The following PRKD1 variants were observed in gnomAD, a reference collection of about 807,000 sequenced individuals.
PRKD1 encodes serine/threonine-protein kinase D1.
PRKD1 carries 63 observed loss-of-function variants against 95.9 expected under a neutral mutation model. That is an observed-to-expected ratio of 0.66 (90% CI 0.54 to 0.81). PRKD1 has a LOEUF of 0.81. Among genes scored for constraint, PRKD1 ranks in the 30% least tolerant of loss-of-function variants. The pLI, the probability that PRKD1 is intolerant of heterozygous loss-of-function variation, is 0.00. For synonymous variants in PRKD1, 425 were observed against 423.1 expected (o/e 1.00, Z -0.05); for missense variants, 1,048 against 1,165.3 (o/e 0.90, Z 1.47).
chr14:29,795,782 C>A (rs1889787874), intron 1 of PRKD1, among the ~76,000 whole-genome samples: 1 of 152,184 alleles, frequency 6.6e-6, no homozygotes, highest in Admixed American at 6.5e-5. Flanking sequence ...TGGACATTTT[C>A]ATGCCCAAAA....
chr14:29,811,340 C>T (rs1890475627), intron 1 of PRKD1, among the ~76,000 whole-genome samples: 1 of 152,204 alleles, frequency 6.6e-6, no homozygotes, highest in African/African-American at 2.4e-5. Context: ...TGAGTTCTCT[C>T]TCCTTCCAGC....
chr14:29,658,015 G>A (rs1436788524), intron 4 of PRKD1: 2 of 152,162 alleles, frequency 1.3e-5, no homozygotes, highest in South Asian at 2.1e-4. Flanking sequence ...TTACAACTTT[G>A]TTTGCAGGTA....
chr14:29,594,341 T>A (rs138501059), intron 16 of PRKD1, among the ~76,000 whole-genome samples: 2 of 152,342 alleles, frequency 1.3e-5, no homozygotes, highest in East Asian at 3.9e-4. Flanking sequence ...TGCACATCGT[T>A]TTTAAAATGA....
Position 29,630,907 on chromosome 14 carries a change from C to T in PRKD1, c.1507G>A (p.Val503Met), listed in dbSNP as rs1237528925. 3.7e-6 allele frequency: 6 copies of T among 1,614,154 alleles called. No individual in the cohort carries two copies. The South Asian group carries it at 5.5e-5, about 15-fold the overall frequency. The change falls in exon 10 of 18, where the codon GTG becomes ATG. Residue 503 changes from valine (V) to methionine (M), a missense_variant. By Grantham distance (21) the Val-to-Met change is conservative (BLOSUM62 1). Around this residue, in one of 3 missense-constraint regions of PRKD1, gnomAD observed 739 missense variants for 861.9 expected, o/e 0.86. Coordinates refer to ENST00000331968, the MANE Select transcript of PRKD1 (RefSeq NM_002742.3). ...GAAGGATTGACCACATTTTCTCCCA[C>T]ATAATACACTACATTTGCCGTAGTG... is the stretch of plus-strand genomic sequence containing the variant. ...EITTANVVYY[V>M]GENVVNPSSP...
intron 1 of PRKD1, among the ~76,000 whole-genome samples, chr14:29,803,136 A>C (rs1404414533): frequency 1.3e-5 from 2 of 152,206 alleles, no homozygotes; most frequent in Non-Finnish European, 2.9e-5. Context: ...GAAAGGACCC[A>C]CAGGCTTAAG....
intron 1 of PRKD1, among the ~76,000 whole-genome samples, chr14:29,861,405 T>C (rs1240779409): frequency 6.6e-6 from 1 of 152,146 alleles, no homozygotes; most frequent in Non-Finnish European, 1.5e-5. Flanking sequence ...GTATTTATAA[T>C]TTTTTTATAT....
intron 1 of PRKD1, among the ~76,000 whole-genome samples, chr14:29,875,003 A>G (rs572503499): frequency 2.4e-4 from 36 of 152,302 alleles, no homozygotes; most frequent in African/African-American, 7.5e-4. Flanking sequence ...TACACATTAC[A>G]AGCATGTATA....
chr14:29,826,669 A>ATG (rs1555348468), intron 1 of PRKD1, among the ~76,000 whole-genome samples: 16 of 90,808 alleles, frequency 1.8e-4, no homozygotes, highest in African/African-American at 5.4e-4. Flanking sequence ...GTGTGTATAT[A>ATG]TGTGTATATA....
intron 11 of PRKD1, among the ~76,000 whole-genome samples, chr14:29,627,289 T>C (rs1008411665): frequency 1.3e-5 from 2 of 152,178 alleles, no homozygotes; most frequent in African/African-American, 4.8e-5. Context: ...AATGAAAAGG[T>C]TGCTCCCTTA....
In PRKD1 at chr14:29,855,499, A is replaced by T. The variant is rs148825636; in HGVS notation, c.264+71750T>A. Among the ~76,000 whole-genome samples the T allele has an allele frequency of 1.2e-4, 19 of 152,282 alleles. No homozygotes were observed. In the East Asian group the frequency reaches 2.5e-3, roughly 20 times the overall value. ...CTTTTACAGGATCATAGGTGAAAGG[A>T]ACTTGCCTTGTCTCAGATGAGACTT... is the stretch of plus-strand genomic sequence containing the variant. On this transcript the variant is annotated intron_variant, in intron 1 of 17. Coordinates refer to ENST00000331968, the MANE Select transcript of PRKD1 (RefSeq NM_002742.3).
At chr14:29,826,674 T>TGTATATATATACAC (rs1891144140) in intron 1 of PRKD1, among the ~76,000 whole-genome samples, 1 of 74,100 alleles carries the variant, frequency 1.3e-5, no homozygotes, top group African/African-American at 4.6e-5. Context: ...TATATATGTG[T>TGTATATATATACAC]ATATATATAT....
At chr14:29,756,005 T>C (rs1315878565) in intron 1 of PRKD1, among the ~76,000 whole-genome samples, 1 of 152,052 alleles carries the variant, frequency 6.6e-6, no homozygotes, top group Non-Finnish European at 1.5e-5. Flanking sequence ...ATTGTGACAC[T>C]CCTGTTTCAT....
chr14:29,848,994 C>T (rs1476116257), intron 1 of PRKD1, among the ~76,000 whole-genome samples: 1 of 152,162 alleles, frequency 6.6e-6, no homozygotes, highest in Non-Finnish European at 1.5e-5. Context: ...ACATTACAAC[C>T]AATCCCAGAG....
chr14:29,594,755 C>T (rs572834139), intron 16 of PRKD1, among the ~76,000 whole-genome samples: 16 of 152,166 alleles, frequency 1.1e-4, no homozygotes, highest in South Asian at 2.1e-4. Context: ...GTGCCAGATA[C>T]GATTAATAGT....
intron 1 of PRKD1, among the ~76,000 whole-genome samples, chr14:29,924,374 C>G (rs1371358286): frequency 2.0e-5 from 3 of 152,156 alleles, no homozygotes; most frequent in Non-Finnish European, 4.4e-5. Context: ...CAACTATACT[C>G]TAAATTCTAA....
chr14:29,684,680 G>A (rs1883751565), intron 2 of PRKD1, among the ~76,000 whole-genome samples: 1 of 152,180 alleles, frequency 6.6e-6, no homozygotes, highest in South Asian at 2.1e-4. Context: ...TAAGACAACA[G>A]AAGGATAGTC....
At chr14:29,812,354 T>C (rs1555346907) in intron 1 of PRKD1, among the ~76,000 whole-genome samples, 2 of 152,226 alleles carry the variant, frequency 1.3e-5, no homozygotes, top group Non-Finnish European at 2.9e-5. Flanking sequence ...GACGTTAATA[T>C]GTAAAAGAGC....
At chr14:29,711,684 C>G (rs1183115107) in intron 2 of PRKD1, among the ~76,000 whole-genome samples, 1 of 151,526 alleles carries the variant, frequency 6.6e-6, no homozygotes, top group Admixed American at 6.6e-5. Flanking sequence ...ATATCTGGTA[C>G]TGACCTAACT....
intron 3 of PRKD1, among the ~76,000 whole-genome samples, chr14:29,664,886 C>A (rs1279919531): frequency 6.6e-6 from 1 of 152,170 alleles, no homozygotes; most frequent in Non-Finnish European, 1.5e-5. Flanking sequence ...TGAACTTAGA[C>A]GGTTTAATTT....
Sources: gnomAD v4.1 joint callset for allele counts (sites outside exome capture counted in the v4.1 genomes callset) on GRCh38, gnomAD v4.1.1 for gene constraint, gnomAD v4.1.1 regional missense constraint, MANE v1.5 for transcripts, NCBI Gene and HGNC (gene_info 2026-07-23, HGNC 2026-07-21) for gene names.